KANK1: variants seen among roughly 807,000 people sequenced by gnomAD.
KANK1 encodes the protein KN motif and ankyrin repeat domains 1, also known as KN motif and ankyrin repeat domain-containing protein 1.
In KANK1, 109 loss-of-function variants were observed where a neutral mutation model predicts 106.2. The observed-to-expected ratio is 1.03, with a 90% CI of 0.88 to 1.20. KANK1 has a LOEUF of 1.20. Ranked by LOEUF, KANK1 falls within the 50% of genes most tolerant of loss-of-function variation. KANK1 has a pLI of 0.00. For synonymous variants in KANK1, 873 were observed against 652.2 expected (o/e 1.34, Z -5.16); for missense variants, 2,399 against 1,710.7 (o/e 1.40, Z -7.10).
chr9:739,242 TTTAATTTTTG>T (rs1424369727), intron 8 of KANK1, among the ~76,000 whole-genome samples: 12 of 152,160 alleles, frequency 7.9e-5, no homozygotes, highest in African/African-American at 2.9e-4. Context: ...CCCCAAGTCT[TTTAATTTTTG>T]TAATACATAT....
At chr9:498,679 C>G (rs2058496439) in intron 3 of KANK1, among the ~76,000 whole-genome samples, 1 of 152,172 alleles carries the variant, frequency 6.6e-6, no homozygotes, top group African/African-American at 2.4e-5. Flanking sequence ...AATACGAATT[C>G]TCAACATAAT....
intron 1 of KANK1, among the ~76,000 whole-genome samples, chr9:512,032 C>T (rs1452176856): frequency 6.6e-6 from 1 of 152,122 alleles, no homozygotes; most frequent in Admixed American, 6.6e-5. Context: ...TGACTATTGC[C>T]TTAGTGGGAG....
chr9:542,527 A>C (rs2060664837), intron 1 of KANK1, among the ~76,000 whole-genome samples: 1 of 152,186 alleles, frequency 6.6e-6, no homozygotes, highest in East Asian at 1.9e-4. Flanking sequence ...TAAAAACTGA[A>C]CTTCCATATG....
chr9:595,496 G>T (rs1378738942), intron 1 of KANK1, among the ~76,000 whole-genome samples: 1 of 151,852 alleles, frequency 6.6e-6, no homozygotes, highest in Non-Finnish European at 1.5e-5. Context: ...TGTGCTTTTG[G>T]ACAGTTATAC....
intron 1 of KANK1, among the ~76,000 whole-genome samples, chr9:583,964 G>T (rs1250953986): frequency 6.6e-6 from 1 of 152,052 alleles, no homozygotes; most frequent in Admixed American, 6.6e-5. Flanking sequence ...GGAGGAGTGG[G>T]TATTGTCATG....
At chr9:709,610 CT>C (rs60899850) in intron 2 of KANK1, among the ~76,000 whole-genome samples, 64,895 of 136,956 alleles carry the variant, frequency 0.47, 15,243 homozygotes, top group African/African-American at 0.59. Flanking sequence ...GCTTTCATGT[CT>C]TTTTTTTTTT....
chr9:546,645 T>C (rs1323735021), intron 1 of KANK1, among the ~76,000 whole-genome samples: 4 of 152,102 alleles, frequency 2.6e-5, no homozygotes, highest in African/African-American at 9.7e-5. Flanking sequence ...TGTAGCCATT[T>C]TCACTATTCC....
intron 1 of KANK1, among the ~76,000 whole-genome samples, chr9:510,628 T>C (rs1587365917): frequency 6.6e-6 from 1 of 152,310 alleles, no homozygotes; most frequent in East Asian, 1.9e-4. Context: ...AGAGCCCCGG[T>C]TGACCACTGG....
chr9:594,815 A>C (rs973291235), intron 1 of KANK1, among the ~76,000 whole-genome samples: 1 of 151,994 alleles, frequency 6.6e-6, no homozygotes, highest in African/African-American at 2.4e-5. Flanking sequence ...AAATATAAAA[A>C]TCTGGAGAGT....
At chr9:579,247 G>A (rs1043885094) in intron 1 of KANK1, among the ~76,000 whole-genome samples, 3 of 146,960 alleles carry the variant, frequency 2.0e-5, no homozygotes, top group African/African-American at 7.4e-5. Context: ...GTGGGCTCCC[G>A]TAGCACAGCT....
intron 3 of KANK1, chr9:495,225 C>T (rs1247687472): frequency 1.3e-5 from 2 of 152,214 alleles, no homozygotes; most frequent in African/African-American, 2.4e-5. Flanking sequence ...GTTTCTGCCT[C>T]CTTCTCTTTC....
intron 2 of KANK1, among the ~76,000 whole-genome samples, chr9:701,526 T>G (rs1349509034): frequency 6.6e-6 from 1 of 152,166 alleles, no homozygotes; most frequent in Non-Finnish European, 1.5e-5. Flanking sequence ...AGATAATTCT[T>G]TGTTGGGGGA....
chr9:580,110 C>G (rs1821659665), intron 1 of KANK1, among the ~76,000 whole-genome samples: 1 of 152,134 alleles, frequency 6.6e-6, no homozygotes, highest in Non-Finnish European at 1.5e-5. Flanking sequence ...TTTCTTCATT[C>G]TGGTAGGTTC....
At chr9:474,409 A>G (rs1327470198) in intron 3 of KANK1, among the ~76,000 whole-genome samples, 1 of 152,190 alleles carries the variant, frequency 6.6e-6, no homozygotes, top group Admixed American at 6.5e-5. Flanking sequence ...TTGCATAAGT[A>G]TGTTTCTCAC....
chr9:681,971 T>C (rs1817635635), intron 2 of KANK1, among the ~76,000 whole-genome samples: 1 of 152,194 alleles, frequency 6.6e-6, no homozygotes, highest in Non-Finnish European at 1.5e-5. Flanking sequence ...TAAAGATGCT[T>C]ATTGAATTGC....
intron 1 of KANK1, among the ~76,000 whole-genome samples, chr9:624,728 G>A (rs975203495): frequency 1.3e-5 from 2 of 152,186 alleles, no homozygotes; most frequent in East Asian, 1.9e-4. Flanking sequence ...GAACCTGGGA[G>A]GTGGAGGGTG....
chr9:710,976 C>G lies in KANK1; in HGVS notation c.210C>G (p.Ser70=). ...RLNIQKRRKP[S]VPCPEPRTTS... ...ACATCCAGAAGAGGCGGAAGCCGTCCGTGCCATGCCCAGAACCCAGGACCA... is the reference window on the plus strand; with the variant it reads ...ACATCCAGAAGAGGCGGAAGCCGTCGGTGCCATGCCCAGAACCCAGGACCA... Residue 70 remains serine (S), a synonymous_variant, in exon 3 of 12, where the codon TCC becomes TCG. Transcript: ENST00000382297. The G allele has an allele frequency of 6.2e-7, 1 of 1,614,154 alleles. No individual in the cohort carries two copies. Among genetic ancestry groups the G allele is most frequent in the Middle Eastern group, 1.6e-4 (1 of 6,062 alleles).
At chr9:699,730 T>A (rs756988178) in intron 2 of KANK1, among the ~76,000 whole-genome samples, 5 of 152,228 alleles carry the variant, frequency 3.3e-5, no homozygotes, top group Non-Finnish European at 5.9e-5. Flanking sequence ...CTTTCTTTAA[T>A]GTTACAATTT....
Position 475,080 on chromosome 9 carries a change from A to G in KANK1, c.-362+1807A>G, listed in dbSNP as rs1587177776. 2.6e-5 allele frequency among the ~76,000 whole-genome samples: 4 copies of G among 152,280 alleles called. No homozygotes were observed. The South Asian group carries it at 8.3e-4, about 32-fold the overall frequency. On this transcript the variant is annotated intron_variant, in intron 3 of 15. Transcript: ENST00000382303. ...AGCACCAGGGAAAGGCAGTCTCCAA[A>G]TAGATAGGAAAAACCTGAAAGTGAC...
Sources: gnomAD v4.1 joint callset for allele counts (sites outside exome capture counted in the v4.1 genomes callset) on GRCh38, gnomAD v4.1.1 for gene constraint, MANE v1.5 for transcripts, NCBI Gene and HGNC (gene_info 2026-07-23, HGNC 2026-07-21) for gene names.